Variants in POGZ observed in about 807,000 individuals in gnomAD.
POGZ encodes the protein pogo transposable element derived with ZNF domain.
In POGZ, 17 loss-of-function variants were observed where a neutral mutation model predicts 134.6. That is an observed-to-expected ratio of 0.13 (90% CI 0.09 to 0.19). The LOEUF (loss-of-function observed/expected upper bound fraction) is 0.19. Among genes scored for constraint, POGZ ranks in the 10% least tolerant of loss-of-function variants. The probability of loss-of-function intolerance (pLI) is 1.00; values close to 1 mark genes in which losing one functional copy is unlikely to be tolerated. For missense variants in POGZ, 1,306 were observed against 1,769.7 expected (o/e 0.74, Z 4.70); for synonymous variants, 693 against 657.1 (o/e 1.05, Z -0.84).
At chr1:151,418,558 A>G (rs887262900) in intron 10 of POGZ, among the ~76,000 whole-genome samples, 2 of 152,198 alleles carry the variant, frequency 1.3e-5, no homozygotes, top group African/African-American at 4.8e-5. Flanking sequence ...CCTGTTGTAA[A>G]TTTTAAAATA....
intron 1 of POGZ, among the ~76,000 whole-genome samples, chr1:151,447,158 G>A (rs1231386882): frequency 6.6e-6 from 1 of 152,058 alleles, no homozygotes; most frequent in Non-Finnish European, 1.5e-5. Flanking sequence ...GGCTAAGGCG[G>A]GCGGATCACA....
At chr1:151,412,907 G>A (rs1654913788) in intron 10 of POGZ, among the ~76,000 whole-genome samples, 1 of 151,970 alleles carries the variant, frequency 6.6e-6, no homozygotes, top group Admixed American at 6.6e-5. Flanking sequence ...CTTTGAAATT[G>A]TCCATTTTGT....
intron 15 of POGZ, among the ~76,000 whole-genome samples, chr1:151,407,691 G>A (rs1177234717): frequency 1.3e-5 from 2 of 152,124 alleles, no homozygotes; most frequent in Non-Finnish European, 2.9e-5. Context: ...TAGAAGCAGG[G>A]GAGAAAATGA....
At position 151,404,623 on chromosome 1, in the gene POGZ, T is replaced by C. The variant is rs1472286359; in HGVS notation, c.*179A>G. ...GGCTCAGACGTGATTACTATTGGTT[T>C]TCCTAATTAATCCACAAATCCACAG... On this transcript the variant is annotated 3_prime_UTR_variant, in exon 19 of 19. Coordinates refer to ENST00000271715, the MANE Select transcript of POGZ (RefSeq NM_015100.4). 1.5e-6 allele frequency: 2 copies of C among 1,359,258 alleles called. No individual in the cohort carries two copies. The highest frequency in any genetic ancestry group is 2.7e-5 in the East Asian group (1 of 37,674). 84.2% of individuals were successfully genotyped at this position (1,359,258 alleles called of 1,614,324 possible).
At chr1:151,408,604 A>G in intron 13 of POGZ, 23 bp from the exon 14 acceptor site, 12 of 1,609,150 alleles carry the variant, frequency 7.5e-6, no homozygotes, top group Non-Finnish European at 1.0e-5. Flanking sequence ...GGAAGTAACA[A>G]TGAGACATCA....
chr1:151,444,695 G>A (rs1661020022), intron 1 of POGZ, among the ~76,000 whole-genome samples: 1 of 152,152 alleles, frequency 6.6e-6, no homozygotes, highest in Non-Finnish European at 1.5e-5. Flanking sequence ...CCAAAAGGGT[G>A]TTCTTTTATC....
chr1:151,456,319 G>C (rs994957072), intron 1 of POGZ, among the ~76,000 whole-genome samples: 1 of 152,194 alleles, frequency 6.6e-6, no homozygotes, highest in Non-Finnish European at 1.5e-5. Flanking sequence ...CTAGGAAGCT[G>C]TCAAACTCCA....
In POGZ at chr1:151,406,429, T is replaced by C. The variant is rs568207666; in HGVS notation, c.2606A>G (p.Asn869Ser). 6.4e-7 allele frequency: 1 copy of C among 1,553,694 alleles called. No individual in the cohort carries two copies. Among genetic ancestry groups the C allele is most frequent in the South Asian group, 1.2e-5 (1 of 80,244 alleles). Residue 869 changes from asparagine (N) to serine (S), a missense_variant, in exon 19 of 19, where the codon AAC becomes AGC. This residue lies in a region of POGZ where 214 missense variants were observed against 255.5 expected (regional missense o/e 0.84). Transcript: ENST00000271715. ...AGGAGGAGGGTACATATTCTTCACG[T>C]TCCGGTCATGCACTCGGTCACGAGT... ...GQTRDRVHDRNVKNMYPPPSF... is the reference protein window; with the variant it reads ...GQTRDRVHDRSVKNMYPPPSF...
chr1:151,435,011 C>T (rs560998852), intron 3 of POGZ, among the ~76,000 whole-genome samples: 1 of 151,108 alleles, frequency 6.6e-6, no homozygotes, highest in Admixed American at 6.6e-5. Context: ...AGTGGTTCTT[C>T]TGCTCAGCCT....
rs1211508674 is a variant in POGZ at position 151,427,938 on chromosome 1, C to G, written c.963G>C (p.Val321=). The part of the protein sequence containing the change: ...GENSNEVAKL[V]NTLNTIPSLG... Reference sequence around the variant, plus strand: ...GGGAAGGGATGGTGTTAAGGGTATTCACCAATTTGGCCACTTCATTGCTAT... The same window carrying G: ...GGGAAGGGATGGTGTTAAGGGTATTGACCAATTTGGCCACTTCATTGCTAT... Residue 321 remains valine (V), a synonymous_variant, in exon 7 of 19, where the codon GTG becomes GTC. Transcript: ENST00000271715. 1.2e-6 allele frequency: 2 copies of G among 1,614,126 alleles called. No individual in the cohort carries two copies. The highest frequency in any genetic ancestry group is 4.5e-5 in the East Asian group (2 of 44,886).
chr1:151,427,889 C>T lies in POGZ; in HGVS notation c.1012G>A (p.Val338Met), dbSNP rs888375696. Residue 338 changes from valine to methionine, a missense_variant, in exon 7 of 19, where the codon GTG (valine) becomes ATG (methionine). Physicochemically the swap from Val to Met is conservative, Grantham distance 21. Around this residue, in one of 10 missense-constraint regions of POGZ, gnomAD observed 541 missense variants for 680.5 expected, o/e 0.80. Transcript: ENST00000271715. ...TGAGCAGAGCTGTTGTTGGACACCA[C>T]CACTGGCCCAGGACTCTGGCCCAGG... ...PSLGQSPGPV[V>M]VSNNSSAHGS... 1 of 1,614,014 alleles carries T rather than the reference C, an allele frequency of 6.2e-7. No individual in the cohort carries two copies. Among genetic ancestry groups the T allele is most frequent in the East Asian group, 2.2e-5 (1 of 44,888 alleles).
intron 10 of POGZ, among the ~76,000 whole-genome samples, chr1:151,420,974 A>G (rs1656795886): frequency 8.4e-6 from 1 of 119,204 alleles, no homozygotes; most frequent in South Asian, 3.0e-4. Flanking sequence ...AACCCTATAC[A>G]TACCGTGTTT....
intron 10 of POGZ, among the ~76,000 whole-genome samples, chr1:151,413,601 CCCCCAGCCCCCTACA>C: frequency 6.6e-6 from 1 of 151,430 alleles, no homozygotes; most frequent in Non-Finnish European, 1.5e-5. Flanking sequence ...CCTCCCCCCG[CCCCCAGCCCCCTACA>C]CCCCAGCCAA....
In POGZ at chr1:151,422,817, C is replaced by CCTGACTT. The variant is rs541714935; in HGVS notation, c.1678+573_1678+579dup. Among the ~76,000 whole-genome samples, 431 of 152,308 alleles carry CCTGACTT rather than the reference C, an allele frequency of 2.8e-3. 2 individuals are homozygous for CCTGACTT. The highest frequency in any genetic ancestry group is 5.1e-3 in the Non-Finnish European group (350 of 68,030). On this transcript the variant is annotated intron_variant, in intron 10 of 18. Transcript: ENST00000271715. ...ATGTTGGCCGGGCTGGTCTCGAATT[C>CCTGACTT]CTGACTTCAGGTGATCTGCCTGCTT... is the stretch of plus-strand genomic sequence containing the variant.
chr1:151,450,515 G>A (rs1169251423), intron 1 of POGZ, among the ~76,000 whole-genome samples: 1 of 152,004 alleles, frequency 6.6e-6, no homozygotes, highest in African/African-American at 2.4e-5. Context: ...ACCACGCCTG[G>A]TTAATTTTTG....
intron 7 of POGZ, chr1:151,425,309 C>G (rs765381424): frequency 1.4e-4 from 49 of 353,320 alleles, no homozygotes; most frequent in Non-Finnish European, 2.5e-4. Flanking sequence ...CTCAAGATCA[C>G]TATGTTTGAG....
intron 5 of POGZ, 71 bp downstream of exon 5, chr1:151,429,532 G>A: frequency 1.4e-6 from 1 of 719,790 alleles, no homozygotes; most frequent in Middle Eastern, 2.5e-4. Context: ...AATGACTTAG[G>A]ATATTTAGAA....
intron 1 of POGZ, among the ~76,000 whole-genome samples, chr1:151,446,404 A>C (rs1476447044): frequency 3.3e-5 from 5 of 152,114 alleles, no homozygotes; most frequent in African/African-American, 9.7e-5. Context: ...AAAACTGCCA[A>C]ACAGAAATGC....
At chr1:151,409,336 T>C (rs1172063198) in intron 12 of POGZ, among the ~76,000 whole-genome samples, 2 of 152,204 alleles carry the variant, frequency 1.3e-5, no homozygotes, top group Admixed American at 6.5e-5. Context: ...TCTACACATA[T>C]AACTGTATCA....
Sources: gnomAD v4.1 joint callset for allele counts (sites outside exome capture counted in the v4.1 genomes callset) on GRCh38, gnomAD v4.1.1 for gene constraint, gnomAD v4.1.1 regional missense constraint, MANE v1.5 for transcripts, NCBI Gene and HGNC (gene_info 2026-07-23, HGNC 2026-07-21) for gene names.